Variants in ATAD1 observed in about 807,000 individuals in gnomAD.
The protein encoded by ATAD1 is outer mitochondrial transmembrane helix translocase.
In ATAD1, 18 loss-of-function variants were observed where a neutral mutation model predicts 42.7. That is an observed-to-expected ratio of 0.42 (90% CI 0.29 to 0.63). ATAD1 has a LOEUF of 0.63. ATAD1 is among the 20% of genes least tolerant of loss of function. The pLI is 0.19. For synonymous variants in ATAD1, 132 were observed against 143.1 expected (o/e 0.92, Z 0.55); for missense variants, 294 against 440.4 (o/e 0.67, Z 2.98).
upstream of ATAD1, among the ~76,000 whole-genome samples, chr10:87,822,951 A>G (rs79530746): frequency 6.3e-3 from 958 of 151,850 alleles, 10 homozygotes; most frequent in South Asian, 0.017. Context: ...TTAAAAAATG[A>G]AAAAAAAGCT....
chr10:87,761,768 C>T (rs988041394), intron 8 of ATAD1, among the ~76,000 whole-genome samples: 17 of 152,016 alleles, frequency 1.1e-4, no homozygotes, highest in Admixed American at 1.1e-3. Context: ...ATAATTTCTT[C>T]CTCTTATTTC....
chr10:87,792,224 T>C (rs1261658746), intron 3 of ATAD1, among the ~76,000 whole-genome samples: 1 of 152,208 alleles, frequency 6.6e-6, no homozygotes, highest in East Asian at 1.9e-4. Context: ...GTGCAAACAA[T>C]ATGGTTTATG....
chr10:87,764,110 G>C (rs1397336763), intron 8 of ATAD1, among the ~76,000 whole-genome samples: 1 of 151,814 alleles, frequency 6.6e-6, no homozygotes, highest in East Asian at 1.9e-4. Flanking sequence ...TTAAAGTCCA[G>C]AAACAGAGAC....
intron 8 of ATAD1, 100 bp downstream of exon 8, chr10:87,767,572 TG>T (rs1430104112): frequency 2.7e-6 from 3 of 1,095,814 alleles, no homozygotes; most frequent in Non-Finnish European, 4.1e-6. Context: ...TGGAGATCCT[TG>T]GGGTATATCA....
chr10:87,762,915 A>AT (rs1451916413), intron 8 of ATAD1, among the ~76,000 whole-genome samples: 33 of 101,144 alleles, frequency 3.3e-4, no homozygotes, highest in Non-Finnish European at 4.3e-4. Flanking sequence ...CTAAAAAAAA[A>AT]AAAATATATA....
At chr10:87,817,668 C>A (rs1857483510) in intron 1 of ATAD1, 1 of 949,460 alleles carries the variant, frequency 1.1e-6, no homozygotes, top group African/African-American at 1.8e-5. Flanking sequence ...CAATGAAGGC[C>A]TGCCAATCTT....
chr10:87,789,634 A>T (rs1407279147), intron 4 of ATAD1, among the ~76,000 whole-genome samples: 1 of 152,150 alleles, frequency 6.6e-6, no homozygotes, highest in Non-Finnish European at 1.5e-5. Context: ...AGGTGGGAGG[A>T]TCACTTGAGC....
At chr10:87,825,361 G>A (rs1398913829) in intron 1 of ATAD1, among the ~76,000 whole-genome samples, 1 of 147,742 alleles carries the variant, frequency 6.8e-6, no homozygotes, top group Non-Finnish European at 1.5e-5. Context: ...CCAGGCTGGA[G>A]TGCAGTGGCG....
intron 2 of ATAD1, among the ~76,000 whole-genome samples, chr10:87,793,522 G>T (rs1489083587): frequency 6.6e-6 from 1 of 152,112 alleles, no homozygotes; most frequent in African/African-American, 2.4e-5. Context: ...CACAGAAAAA[G>T]AAACTGAAGT....
upstream of ATAD1, chr10:87,819,263 CAAAAAAAAAAA>C (rs57941047): frequency 6.0e-4 from 32 of 53,730 alleles, no homozygotes; most frequent in African/African-American, 2.1e-3. Context: ...ATCGTCTCTA[CAAAAAAAAAAA>C]AAAAAAAAAA....
At chr10:87,764,286 C>G (rs769782695) in intron 8 of ATAD1, among the ~76,000 whole-genome samples, 1 of 151,944 alleles carries the variant, frequency 6.6e-6, no homozygotes, top group Non-Finnish European at 1.5e-5. Flanking sequence ...ATGATGAAAC[C>G]CTGTCTCTAT....
intron 5 of ATAD1, among the ~76,000 whole-genome samples, chr10:87,783,704 A>G (rs1030539747): frequency 6.6e-6 from 1 of 151,822 alleles, no homozygotes; most frequent in African/African-American, 2.4e-5. Flanking sequence ...TTGATCCATA[A>G]TATAGCAAGA....
At chr10:87,830,790 T>A (rs975732801) in intron 1 of ATAD1, among the ~76,000 whole-genome samples, 4 of 152,192 alleles carry the variant, frequency 2.6e-5, no homozygotes, top group African/African-American at 9.7e-5. Flanking sequence ...CTCATAGAAG[T>A]AACAAACCAA....
At position 87,751,703 on chromosome 10, in the gene ATAD1, T is replaced by G. The variant is rs192486816; in HGVS notation, c.*2984A>C. The stretch of plus-strand genomic sequence containing the variant: ...TTTAATAATGAAGGCTCTGAAAGAT[T>G]TCTGTCAGCTCTAGATGGAATTATT... On this transcript the variant is annotated 3_prime_UTR_variant, in exon 10 of 10. Transcript: ENST00000680024. The G allele has an allele frequency of 1.2e-3, 182 of 152,298 alleles. No homozygotes were observed. Among genetic ancestry groups the G allele is most frequent in the African/African-American group, 4.2e-3 (173 of 41,560 alleles). The allele number at this position is 152,298 out of a possible 1,614,324, so 9.4% of individuals were successfully genotyped here.
At chr10:87,839,419 A>T (rs1048050886) in intron 1 of ATAD1, among the ~76,000 whole-genome samples, 3 of 152,222 alleles carry the variant, frequency 2.0e-5, no homozygotes, top group Admixed American at 6.5e-5. Flanking sequence ...ATAAGAAACG[A>T]GGATCGTATT....
chr10:87,791,030 C>CAAAAAAAAAAAAAAAA (rs34722647), intron 3 of ATAD1, among the ~76,000 whole-genome samples: 4 of 66,250 alleles, frequency 6.0e-5, no homozygotes, highest in Non-Finnish European at 8.6e-5. Context: ...ACTAAAATTA[C>CAAAAAAAAAAAAAAAA]AAAAAAAAAA....
chr10:87,841,248 A>C (rs1325399811), exon 1 of ATAD1: 4 of 152,336 alleles, frequency 2.6e-5, no homozygotes, highest in South Asian at 4.1e-4. Context: ...CTCTTTGCAC[A>C]GTTAAGCTGA....
intron 2 of ATAD1, among the ~76,000 whole-genome samples, chr10:87,794,494 C>G (rs1003061001): frequency 1.3e-5 from 2 of 152,184 alleles, no homozygotes; most frequent in African/African-American, 4.8e-5. Context: ...AAGCAACGCT[C>G]GAAGACAGTG....
chr10:87,840,624 A>G (rs1156612982), intron 1 of ATAD1, among the ~76,000 whole-genome samples: 1 of 152,216 alleles, frequency 6.6e-6, no homozygotes, highest in African/African-American at 2.4e-5. Flanking sequence ...GTATATTACT[A>G]TGTTTGATTT....
Sources: allele counts gnomAD v4.1 joint callset (sites outside exome capture counted in the v4.1 genomes callset), GRCh38; gene constraint gnomAD v4.1.1; transcripts MANE v1.5; gene names NCBI Gene and HGNC (gene_info 2026-07-23, HGNC 2026-07-21).